The following SUPT3H variants were observed in gnomAD, a reference collection of about 807,000 sequenced individuals.
SUPT3H encodes the protein transcription initiation protein SPT3 homolog.
A neutral mutation model predicts 44.3 loss-of-function variants in SUPT3H; 44 were observed. The observed-to-expected ratio is 0.99, with a 90% CI of 0.78 to 1.28. SUPT3H has a LOEUF of 1.28. Ranked by LOEUF, SUPT3H falls within the 50% of genes most tolerant of loss-of-function variation. The pLI is 0.00. For synonymous variants in SUPT3H, 124 were observed against 125.6 expected, an observed-to-expected ratio of 0.99 and a Z score of 0.09; for missense variants, 380 against 387.1, an observed-to-expected ratio of 0.98 and a Z score of 0.15.
chr6:44,999,071 G>C (rs1781658147), intron 6 of SUPT3H, among the ~76,000 whole-genome samples: 1 of 151,720 alleles, frequency 6.6e-6, no homozygotes, highest in South Asian at 2.1e-4. Context: ...TTGTTTGTTA[G>C]TTTAACTTCC....
intron 2 of SUPT3H, among the ~76,000 whole-genome samples, chr6:45,284,697 C>A (rs577113524): frequency 6.6e-6 from 1 of 152,182 alleles, no homozygotes; most frequent in Admixed American, 6.5e-5. Context: ...CCTTCTGAAA[C>A]TATTCCAATC....
intron 2 of SUPT3H, among the ~76,000 whole-genome samples, chr6:45,270,942 C>CA (rs1776027211): frequency 6.6e-6 from 1 of 152,198 alleles, no homozygotes; most frequent in South Asian, 2.1e-4. Flanking sequence ...AAAGGTGACT[C>CA]TTATGTTTCA....
chr6:44,896,434 A>G (rs1764144633), intron 10 of SUPT3H, among the ~76,000 whole-genome samples: 1 of 152,190 alleles, frequency 6.6e-6, no homozygotes, highest in South Asian at 2.1e-4. Flanking sequence ...CACATTTTCT[A>G]CATAAAGAAA....
chr6:44,961,589 T>A (rs1026737003), intron 7 of SUPT3H, among the ~76,000 whole-genome samples, 164 bp downstream of exon 7: 1 of 152,108 alleles, frequency 6.6e-6, no homozygotes, highest in Non-Finnish European at 1.5e-5. Flanking sequence ...TGTAGGAAAA[T>A]CATTTATAGG....
chr6:45,154,087 A>AC (rs200995743), intron 2 of SUPT3H, among the ~76,000 whole-genome samples: 22,407 of 114,580 alleles, frequency 0.2, 4,337 homozygotes, highest in Admixed American at 0.36. Context: ...AAAAAAAAAA[A>AC]AGCGCTTAGT....
intron 2 of SUPT3H, among the ~76,000 whole-genome samples, chr6:45,191,622 G>C (rs1680577871): frequency 6.6e-6 from 1 of 151,988 alleles, no homozygotes. Flanking sequence ...TAGGGAGGGT[G>C]GCAGGTAGGA....
chr6:45,197,141 A>C (rs1480963767), intron 2 of SUPT3H, among the ~76,000 whole-genome samples: 2 of 151,724 alleles, frequency 1.3e-5, no homozygotes, highest in Admixed American at 6.6e-5. Context: ...CTACATATTT[A>C]AATTGGTTTT....
chr6:44,902,388 T>C (rs1028355933), intron 10 of SUPT3H, among the ~76,000 whole-genome samples: 1 of 152,116 alleles, frequency 6.6e-6, no homozygotes, highest in Admixed American at 6.5e-5. Context: ...AATCCTAGTC[T>C]CTGATAAAAC....
rs1211012867 is a variant in SUPT3H, at chr6:45,095,601, T to C, written c.186+10321A>G. 6.6e-6 allele frequency among the ~76,000 whole-genome samples: 1 copy of C among 152,192 alleles called. No homozygotes were observed. The highest frequency in any genetic ancestry group is 1.5e-5 in the Non-Finnish European group (1 of 68,006). ...TGTAACCAACTACACAGCTTACTACTGACTGGTAGATTCATACAGTGAAAA... is the reference window on the plus strand; with the variant it reads ...TGTAACCAACTACACAGCTTACTACCGACTGGTAGATTCATACAGTGAAAA... On this transcript the variant is annotated intron_variant, in intron 3 of 10. Coordinates refer to ENST00000371459, the MANE Select transcript of SUPT3H (RefSeq NM_003599.4). The surrounding 1 kb of genome is among the most constrained non-coding windows in gnomAD (Gnocchi z 4.1).
chr6:45,138,888 T>G (rs1401709098), intron 2 of SUPT3H, among the ~76,000 whole-genome samples: 1 of 152,132 alleles, frequency 6.6e-6, no homozygotes, highest in African/African-American at 2.4e-5. Flanking sequence ...AAAAGCTAAG[T>G]AAATGATAAT....
chr6:45,322,976 G>GA, intron 2 of SUPT3H: 3 of 1,586,224 alleles, frequency 1.9e-6, no homozygotes, highest in Non-Finnish European at 2.6e-6. Context: ...TTCTAAAGGA[G>GA]AAAAAACTTC....
At chr6:45,034,517 T>G (rs1562307666) in intron 3 of SUPT3H, among the ~76,000 whole-genome samples, 1 of 152,200 alleles carries the variant, frequency 6.6e-6, no homozygotes, top group South Asian at 2.1e-4. Context: ...CAGAATGTTT[T>G]TAGTCCTCTT....
At chr6:45,180,576 T>C (rs1812962318) in intron 2 of SUPT3H, among the ~76,000 whole-genome samples, 1 of 150,984 alleles carries the variant, frequency 6.6e-6, no homozygotes, top group Admixed American at 6.6e-5. Flanking sequence ...TATCTACAAC[T>C]ATCTGATCTT....
intron 10 of SUPT3H, among the ~76,000 whole-genome samples, chr6:44,917,568 T>C (rs9367211): frequency 0.42 from 63,594 of 152,074 alleles, 13,679 homozygotes; most frequent in East Asian, 0.7. Flanking sequence ...CATGCAAATA[T>C]GACTGACAGA....
At chr6:45,135,139 C>T (rs1804072797) in intron 2 of SUPT3H, among the ~76,000 whole-genome samples, 1 of 152,136 alleles carries the variant, frequency 6.6e-6, no homozygotes. Flanking sequence ...GAGTAGAGTG[C>T]CAAGGCAGCA....
At chr6:44,889,087 C>A (rs992796272) in intron 10 of SUPT3H, among the ~76,000 whole-genome samples, 2 of 151,558 alleles carry the variant, frequency 1.3e-5, no homozygotes, top group South Asian at 4.2e-4. Flanking sequence ...TCAAGGAGAA[C>A]TACAAACCAC....
At chr6:45,187,287 T>G (rs1478127181) in intron 2 of SUPT3H, among the ~76,000 whole-genome samples, 1 of 151,350 alleles carries the variant, frequency 6.6e-6, no homozygotes, top group East Asian at 1.9e-4. Context: ...AGGTGGCGGG[T>G]GCTTGTAATT....
intron 2 of SUPT3H, among the ~76,000 whole-genome samples, chr6:45,257,190 T>C (rs902518852): frequency 2.6e-5 from 4 of 152,190 alleles, no homozygotes; most frequent in Non-Finnish European, 5.9e-5. Context: ...GATTAATGAC[T>C]ATAATGGCTT....
chr6:45,070,628 C>T (rs1378233199), intron 3 of SUPT3H, among the ~76,000 whole-genome samples: 1 of 150,892 alleles, frequency 6.6e-6, no homozygotes, highest in Non-Finnish European at 1.5e-5. Context: ...GTAATCCCAG[C>T]TACTCCTGAG....
Sources: allele counts gnomAD v4.1 joint callset (sites outside exome capture counted in the v4.1 genomes callset), GRCh38; gene constraint gnomAD v4.1.1; non-coding constraint Gnocchi (gnomAD v3.1); transcripts MANE v1.5; gene names NCBI Gene and HGNC (gene_info 2026-07-23, HGNC 2026-07-21).